Variants in ENDOU observed in about 807,000 individuals in gnomAD.
ENDOU encodes the protein endonuclease, poly(U) specific, also known as uridylate-specific endoribonuclease.
A neutral mutation model predicts 54.2 loss-of-function variants in ENDOU; 49 were observed. The observed-to-expected ratio is 0.90, with a 90% CI of 0.72 to 1.15. The LOEUF is 1.15. Among genes scored for constraint, ENDOU ranks in the 50% most tolerant of loss-of-function variants. ENDOU has a pLI of 0.00. For synonymous variants in ENDOU, 172 were observed against 190.5 expected (o/e 0.90, Z 0.80); for missense variants, 458 against 511.4 (o/e 0.90, Z 1.01).
intron 1 of ENDOU, among the ~76,000 whole-genome samples, chr12:47,721,286 G>C (rs1479854488): frequency 6.6e-6 from 1 of 152,172 alleles, no homozygotes; most frequent in Non-Finnish European, 1.5e-5. Flanking sequence ...AGTGTTGCCA[G>C]AGCCTTCCCT....
Position 47,715,948 on chromosome 12 carries a change from G to A in ENDOU, c.751+352C>T, listed in dbSNP as rs188158696. ...AACATGGTGCTGACTCCAGGATCGC[G>A]GAGGTGGCTGAGACGTGCTCTGGGT... On this transcript the variant is annotated intron_variant, in intron 6 of 9. Transcript: ENST00000422538. Among the ~76,000 whole-genome samples, 64 of 152,250 alleles carry A rather than the reference G, an allele frequency of 4.2e-4. 1 individual carries two copies. In the East Asian group the frequency reaches 8.9e-3, roughly 21 times the overall value.
At position 47,710,897 on chromosome 12, in the gene ENDOU, A is replaced by T; in HGVS notation, c.1138T>A (p.Tyr380Asn). The change falls in exon 10 of 10, where the codon TAT becomes AAT. Residue 380 changes from tyrosine to asparagine, a missense_variant. Coordinates refer to ENST00000422538, the MANE Select transcript of ENDOU (RefSeq NM_001172439.2). Reference sequence around the variant, plus strand: ...GTATATGTCCGGACAGCTAAGGGATATCCTCCCAGGCTTAACTGGCACCTG... The same window carrying T: ...GTATATGTCCGGACAGCTAAGGGATTTCCTCCCAGGCTTAACTGGCACCTG... Reference protein sequence around the residue: ...GKVCQLSLGGYPLAVRTYTWD... With the variant: ...GKVCQLSLGGNPLAVRTYTWD... 1 of 1,613,478 alleles carries T rather than the reference A, an allele frequency of 6.2e-7. No individual in the cohort carries two copies. Among genetic ancestry groups the T allele is most frequent in the Non-Finnish European group, 8.5e-7 (1 of 1,179,498 alleles).
Position 47,720,855 on chromosome 12 carries a change from A to G in ENDOU, c.76T>C (p.Ser26Pro). The change falls in exon 2 of 10, where the codon TCT becomes CCT. Residue 26 changes from serine to proline, a missense_variant. Transcript: ENST00000422538. ...AWAGKIESCA[S>P]RCNEKFNRDA... ...CGGTTAAATTTCTCATTACATCGAG[A>G]TGCACAGGATTCTATTTTTCCTATG... 1 of 1,536,128 alleles carries G rather than the reference A, an allele frequency of 6.5e-7. No homozygotes were observed. Among genetic ancestry groups the G allele is most frequent in the Non-Finnish European group, 8.7e-7 (1 of 1,146,908 alleles).
chr12:47,714,975 C>T (rs1208063702), intron 6 of ENDOU, among the ~76,000 whole-genome samples: 1 of 152,230 alleles, frequency 6.6e-6, no homozygotes, highest in Non-Finnish European at 1.5e-5. Flanking sequence ...CTGAATAGTT[C>T]CCCTTACTGA....
rs748297866 is a variant in ENDOU at position 47,711,762 on chromosome 12, G to C, written c.986C>G (p.Pro329Arg). Residue 329 changes from proline (P) to arginine (R), a missense_variant, in exon 9 of 10, where the codon CCC becomes CGC. Coordinates refer to ENST00000422538, the MANE Select transcript of ENDOU (RefSeq NM_001172439.2). ...GTTGAACTGCATTGCCAGCACATCGGGGTAAGAATCCCACTGTGGAGGGAA... is the reference window on the plus strand; with the variant it reads ...GTTGAACTGCATTGCCAGCACATCGCGGTAAGAATCCCACTGTGGAGGGAA... ...HIYDGPWDSYPDVLAMQFNWD... is the reference protein window; with the variant it reads ...HIYDGPWDSYRDVLAMQFNWD... The C allele has an allele frequency of 6.2e-7, 1 of 1,614,178 alleles. No individual in the cohort carries two copies. Among genetic ancestry groups the C allele is most frequent in the Non-Finnish European group, 8.5e-7 (1 of 1,180,038 alleles).
chr12:47,715,307 C>T (rs1025291671), intron 6 of ENDOU, among the ~76,000 whole-genome samples: 10 of 152,166 alleles, frequency 6.6e-5, no homozygotes, highest in East Asian at 3.8e-4. Flanking sequence ...GAGTTAGTAA[C>T]GGGACAGCCT....
Position 47,713,320 on chromosome 12 carries a change from C to G in ENDOU, c.820G>C (p.Gly274Arg), listed in dbSNP as rs1940105215. The G allele has an allele frequency of 6.2e-7, 1 of 1,614,104 alleles. No individual in the cohort carries two copies. Among genetic ancestry groups the G allele is most frequent in the East Asian group, 2.2e-5 (1 of 44,876 alleles). ...CCACTCGAGTCCCCCTCTTCATTGC[C>G]TCTTGAATAGAGCCCAAACCACATG... Reference protein sequence around the residue: ...KNMWFGLYSRGNEEGDSSGFE... With the variant: ...KNMWFGLYSRRNEEGDSSGFE... Residue 274 changes from glycine to arginine, a missense_variant, in exon 7 of 10, where the codon GGC (glycine) becomes CGC (arginine). Transcript: ENST00000422538.
intron 1 of ENDOU, among the ~76,000 whole-genome samples, chr12:47,722,554 T>C (rs1940468064): frequency 6.6e-6 from 1 of 152,202 alleles, no homozygotes; most frequent in African/African-American, 2.4e-5. Context: ...GAATAAACGG[T>C]GGCAATATTT....
chr12:47,710,792 C>G lies in ENDOU; in HGVS notation c.*10G>C. On this transcript the variant is annotated 3_prime_UTR_variant, in exon 10 of 10. Coordinates refer to ENST00000422538, the MANE Select transcript of ENDOU (RefSeq NM_001172439.2). ...AGAGCCCTCATGCCCCTTTCTGGCT[C>G]GAAGTTCTATTAGGTGGAAGACACT... The G allele has an allele frequency of 6.3e-7, 1 of 1,599,186 alleles. No individual in the cohort carries two copies. The highest frequency in any genetic ancestry group is 1.1e-5 in the South Asian group (1 of 90,764).
chr12:47,714,411 A>G lies in ENDOU; in HGVS notation c.752-1023T>C, dbSNP rs142879508. On this transcript the variant is annotated intron_variant, in intron 6 of 9. Transcript: ENST00000422538. ...TATGTTAAAAAGGCAATGGGGTGGTATGAGTGGAAGCAGAGAGACCAGTCT... is the reference window on the plus strand; with the variant it reads ...TATGTTAAAAAGGCAATGGGGTGGTGTGAGTGGAAGCAGAGAGACCAGTCT... Among the ~76,000 whole-genome samples, 45 of 152,370 alleles carry G rather than the reference A, an allele frequency of 3.0e-4. 1 individual carries two copies. The highest frequency in any genetic ancestry group is 1.0e-3 in the African/African-American group (43 of 41,592).
intron 8 of ENDOU, 52 bp downstream of exon 8, chr12:47,712,464 T>C: frequency 1.5e-6 from 2 of 1,372,416 alleles, no homozygotes; most frequent in Non-Finnish European, 2.1e-6. Context: ...GAACACAGAG[T>C]GAGAGCAGGA....
chr12:47,712,414 G>A (rs1940058663), intron 8 of ENDOU, 102 bp downstream of exon 8: 5 of 843,910 alleles, frequency 5.9e-6, no homozygotes, highest in Admixed American at 4.5e-5. Flanking sequence ...ACCTGGGGCT[G>A]CCCCCTGAGA....
chr12:47,715,796 C>A (rs572488769), intron 6 of ENDOU, among the ~76,000 whole-genome samples: 2 of 152,356 alleles, frequency 1.3e-5, no homozygotes, highest in South Asian at 4.1e-4. Context: ...CCCGATAGGA[C>A]TTCCCGCTCT....
Position 47,710,697 on chromosome 12 carries a change from G to A in ENDOU, c.*105C>T, listed in dbSNP as rs1366238013. 2 of 772,382 alleles carry A rather than the reference G, an allele frequency of 2.6e-6. No individual in the cohort carries two copies. Among genetic ancestry groups the A allele is most frequent in the Non-Finnish European group, 4.6e-6 (2 of 435,564 alleles). The allele number at this position is 772,382 out of a possible 1,614,324, so 47.8% of individuals were successfully genotyped here. A position where few individuals can be genotyped will look rare whatever the true frequency, so the allele number is the denominator to read the frequency against. On this transcript the variant is annotated 3_prime_UTR_variant, in exon 10 of 10. Coordinates refer to ENST00000422538, the MANE Select transcript of ENDOU (RefSeq NM_001172439.2). Reference sequence around the variant, plus strand: ...TTAGGAATGCTTCTCATTGCTTTGAGATTTGGTGATCCCTTCCAGTCCTCT... The same window carrying A: ...TTAGGAATGCTTCTCATTGCTTTGAAATTTGGTGATCCCTTCCAGTCCTCT...
At chr12:47,711,868 G>T in intron 8 of ENDOU, 93 bp from the exon 9 acceptor site, 1 of 1,421,414 alleles carries the variant, frequency 7.0e-7, no homozygotes, top group East Asian at 2.3e-5. Context: ...AGTATTTGTT[G>T]AGGGTCCATT....
intron 5 of ENDOU, 26 bp downstream of exon 5, chr12:47,716,864 T>A (rs779820809): frequency 6.2e-7 from 1 of 1,611,748 alleles, no homozygotes; most frequent in Non-Finnish European, 8.5e-7. Context: ...ATTTAGGGGG[T>A]AGAAAGAGGA....
intron 6 of ENDOU, among the ~76,000 whole-genome samples, chr12:47,715,470 C>T (rs1295671922): frequency 1.3e-5 from 2 of 152,216 alleles, no homozygotes; most frequent in East Asian, 1.9e-4. Context: ...GTATTTACTA[C>T]GAAGAGAACG....
chr12:47,721,040 A>C (rs1940418515), intron 1 of ENDOU, among the ~76,000 whole-genome samples, 165 bp from the exon 2 acceptor site: 1 of 152,098 alleles, frequency 6.6e-6, no homozygotes. Context: ...GCACAACATA[A>C]GCCTCCTCCC....
rs1236691168 is a variant in ENDOU at position 47,720,717 on chromosome 12, AGGCTGGACATGCCTTC to A, written c.178+20_178+35del. On this transcript the variant is annotated intron_variant, in intron 2 of 9. Transcript: ENST00000422538. The stretch of plus-strand genomic sequence containing the variant: ...CACCCAGGCCAGTGGCCCCTTAGAC[AGGCTGGACATGCCTTC>A]GTCTCACAAGGAGGCTCACCAGTAC... 6.5e-7 allele frequency: 1 copy of A among 1,533,254 alleles called. No individual in the cohort carries two copies. Among genetic ancestry groups the A allele is most frequent in the Admixed American group, 2.0e-5 (1 of 50,968 alleles). The allele number at this position is 1,533,254 out of a possible 1,614,324, so 95.0% of individuals were successfully genotyped here.
Sources: allele counts gnomAD v4.1 joint callset (sites outside exome capture counted in the v4.1 genomes callset), GRCh38; gene constraint gnomAD v4.1.1; transcripts MANE v1.5; gene names NCBI Gene and HGNC (gene_info 2026-07-23, HGNC 2026-07-21).